The following BTD variants were observed in gnomAD, a reference collection of about 807,000 sequenced individuals.
BTD encodes the protein biotinidase, also known as biocytinase.
A neutral mutation model predicts 17.7 loss-of-function variants in BTD; 13 were observed. The observed-to-expected ratio is 0.74, with a 90% CI of 0.48 to 1.17. The LOEUF is 1.17. Among genes scored for constraint, BTD ranks in the 50% most tolerant of loss-of-function variants. The pLI, the probability that BTD is intolerant of heterozygous loss-of-function variation, is 0.00. For synonymous variants in BTD, 240 were observed against 245.2 expected, an observed-to-expected ratio of 0.98 and a Z score of 0.20; for missense variants, 674 against 650.4, an observed-to-expected ratio of 1.04 and a Z score of -0.39.
downstream of BTD, chr3:15,714,678 TACTC>T (rs778143349): frequency 1.3e-6 from 2 of 1,527,912 alleles, no homozygotes; most frequent in South Asian, 2.4e-5. Flanking sequence ...AGAAAAAAAT[TACTC>T]ACTCTACTAT....
intron 3 of BTD, among the ~76,000 whole-genome samples, chr3:15,686,640 C>A (rs912658492): frequency 1.3e-5 from 2 of 152,164 alleles, no homozygotes; most frequent in African/African-American, 4.8e-5. Context: ...AGGGATGATA[C>A]CATGATTAGA....
At chr3:15,694,998 TG>T (rs1393150944) in intron 3 of BTD, among the ~76,000 whole-genome samples, 9 of 152,142 alleles carry the variant, frequency 5.9e-5, no homozygotes, top group African/African-American at 2.2e-4. Flanking sequence ...CATAAGAGTT[TG>T]GGGGAAATGC....
At chr3:15,707,830 A>C in intron 3 of BTD, 1 of 1,443,008 alleles carries the variant, frequency 6.9e-7, no homozygotes. Context: ...AAAAAATACA[A>C]AGAGGAAACA....
chr3:15,661,983 G>T (rs770241102), intron 3 of BTD, among the ~76,000 whole-genome samples: 4 of 152,166 alleles, frequency 2.6e-5, no homozygotes, highest in Non-Finnish European at 5.9e-5. Flanking sequence ...CCACTGATCT[G>T]TCCATTCTTT....
chr3:15,602,815 T>G (rs1230542630), intron 1 of BTD, among the ~76,000 whole-genome samples: 2 of 152,144 alleles, frequency 1.3e-5, no homozygotes, highest in African/African-American at 4.8e-5. Context: ...GTGAAGTGGT[T>G]GCCTCCCTGC....
intron 3 of BTD, chr3:15,670,435 G>A: frequency 3.7e-6 from 6 of 1,613,940 alleles, no homozygotes; most frequent in Non-Finnish European, 5.1e-6. Context: ...AACGGTTAAT[G>A]GCATTGAATG....
chr3:15,676,010 C>T, intron 3 of BTD: 2 of 1,596,822 alleles, frequency 1.3e-6, no homozygotes, highest in Middle Eastern at 1.7e-4. Context: ...AAACATGATA[C>T]ATGTACACAT....
chr3:15,662,806 T>G (rs1321768867), intron 3 of BTD, among the ~76,000 whole-genome samples: 2 of 151,372 alleles, frequency 1.3e-5, no homozygotes, highest in Non-Finnish European at 2.9e-5. Flanking sequence ...GGCTAATTTT[T>G]GTATTTTTTG....
chr3:15,673,875 C>T (rs1309110014), intron 3 of BTD, among the ~76,000 whole-genome samples: 2 of 151,936 alleles, frequency 1.3e-5, no homozygotes, highest in Non-Finnish European at 2.9e-5. Flanking sequence ...GAGGACACAT[C>T]ATGTAGGGCC....
At chr3:15,715,732 T>C (rs748883703), downstream of BTD, among the ~76,000 whole-genome samples, 3 of 152,182 alleles carry the variant, frequency 2.0e-5, no homozygotes, top group Non-Finnish European at 4.4e-5. Context: ...AAAATGAGGA[T>C]AATACCATCT....
chr3:15,670,592 C>A lies in BTD; in HGVS notation c.399+28535C>A, dbSNP rs547577444. The stretch of plus-strand genomic sequence containing the variant: ...AGATAAAATTTAAAAATTAAGCATC[C>A]TGAGATGTATTTCACCAAAGACAAG... On this transcript the variant is annotated intron_variant, in intron 3 of 3. Coordinates refer to the BTD transcript ENST00000672141. 6 of 1,583,060 alleles carry A rather than the reference C, an allele frequency of 3.8e-6. No individual in the cohort carries two copies. In the South Asian group the frequency reaches 6.9e-5, roughly 18 times the overall value.
At chr3:15,706,236 C>A (rs142574367) in intron 3 of BTD, among the ~76,000 whole-genome samples, 2,554 of 152,026 alleles carry the variant, frequency 0.017, 71 homozygotes, top group African/African-American at 0.058. Context: ...GCTATCCCTC[C>A]CCCTCCTCCC....
chr3:15,630,016 G>A (rs900859647), intron 1 of BTD: 35 of 984,948 alleles, frequency 3.6e-5, no homozygotes, highest in Non-Finnish European at 3.7e-5. Context: ...ATTTCCCCAC[G>A]CAGACGCTGT....
intron 3 of BTD, chr3:15,708,073 T>A: frequency 6.3e-7 from 1 of 1,593,840 alleles, no homozygotes; most frequent in Non-Finnish European, 8.5e-7. Context: ...ATCTTTTGGG[T>A]CCAAGTTAAT....
intron 3 of BTD, among the ~76,000 whole-genome samples, chr3:15,683,093 T>C (rs970511560): frequency 1.3e-5 from 2 of 152,162 alleles, no homozygotes; most frequent in African/African-American, 4.8e-5. Context: ...AAAGCAACTC[T>C]CCAAAGGACA....
intron 3 of BTD, among the ~76,000 whole-genome samples, chr3:15,663,750 A>T (rs1388755973): frequency 6.7e-6 from 1 of 150,206 alleles, no homozygotes; most frequent in African/African-American, 2.5e-5. Context: ...ATTAATCTTT[A>T]AAAAAACCCA....
intron 3 of BTD, among the ~76,000 whole-genome samples, chr3:15,683,308 G>A (rs567116704): frequency 6.6e-6 from 1 of 151,966 alleles, no homozygotes; most frequent in Non-Finnish European, 1.5e-5. Context: ...TAGATATTTT[G>A]GGTTTTCCTT....
At chr3:15,699,327 C>A (rs2070191856) in intron 3 of BTD, among the ~76,000 whole-genome samples, 1 of 152,158 alleles carries the variant, frequency 6.6e-6, no homozygotes, top group African/African-American at 2.4e-5. Context: ...AGGGCATAGG[C>A]ATGGGCAAAG....
rs773032840 is a variant in BTD, at chr3:15,685,330, A to G, written c.400-24730A>G. The G allele has an allele frequency of 1.4e-5, 23 of 1,613,902 alleles. No individual in the cohort carries two copies. Among genetic ancestry groups the G allele is most frequent in the Middle Eastern group, 1.6e-4 (1 of 6,084 alleles). On this transcript the variant is annotated intron_variant, in intron 3 of 3. Transcript: ENST00000672141. ...CTGCAAAAGGGCTCCAAGAACACCA[A>G]TGTGTCCACAGGCAGCAGACAGGTG...
Sources: gnomAD v4.1 joint callset for allele counts (sites outside exome capture counted in the v4.1 genomes callset) on GRCh38, gnomAD v4.1.1 for gene constraint, MANE v1.5 for transcripts, NCBI Gene and HGNC (gene_info 2026-07-23, HGNC 2026-07-21) for gene names.